SLC30A7: variants seen among roughly 807,000 people sequenced by gnomAD.
SLC30A7 encodes the protein solute carrier family 30 member 7, also known as zinc transporter 7.
In SLC30A7, 35 loss-of-function variants were observed where a neutral mutation model predicts 46.0. That is an observed-to-expected ratio of 0.76 (90% CI 0.58 to 1.01). SLC30A7 has a LOEUF of 1.01. Ranked by LOEUF, SLC30A7 falls within the 50% of genes least tolerant of loss-of-function variation. The pLI is 0.00. For missense variants in SLC30A7, 464 were observed against 451.1 expected, an observed-to-expected ratio of 1.03 and a Z score of -0.26; for synonymous variants, 147 against 157.8, an observed-to-expected ratio of 0.93 and a Z score of 0.51.
chr1:100,896,187 C>A lies in SLC30A7; in HGVS notation c.-76C>A. 1 of 1,312,622 alleles carries A rather than the reference C, an allele frequency of 7.6e-7. No homozygotes were observed. The highest frequency in any genetic ancestry group is 1.1e-6 in the Non-Finnish European group (1 of 908,450). The allele number at this position is 1,312,622 out of a possible 1,614,324, so 81.3% of individuals were successfully genotyped here. A position where few individuals can be genotyped will look rare whatever the true frequency, so the allele number is the denominator to read the frequency against. ...CGCTGGGGATTCCCGTTTGAGGCGT[C>A]ACTACTGTCACTGCCATCACCCCAC... On this transcript the variant is annotated 5_prime_UTR_variant, in exon 1 of 11. Transcript: ENST00000357650.
intron 8 of SLC30A7, among the ~76,000 whole-genome samples, chr1:100,943,329 C>G (rs759192027): frequency 6.6e-6 from 1 of 152,254 alleles, no homozygotes; most frequent in Non-Finnish European, 1.5e-5. Context: ...AAGGACATAA[C>G]AAAGGATACA....
At chr1:100,937,434 A>G (rs963363538) in intron 8 of SLC30A7, among the ~76,000 whole-genome samples, 2 of 151,744 alleles carry the variant, frequency 1.3e-5, no homozygotes, top group Non-Finnish European at 2.9e-5. Context: ...GCTTTCCAAA[A>G]CTTGTTATTT....
In SLC30A7 at chr1:100,911,101, G is replaced by T. The variant is rs1557977910; in HGVS notation, c.335G>T (p.Gly112Val). 1.2e-6 allele frequency: 2 copies of T among 1,612,002 alleles called. No individual in the cohort carries two copies. Among genetic ancestry groups the T allele is most frequent in the East Asian group, 2.2e-5 (1 of 44,742 alleles). Residue 112 changes from glycine to valine, a missense_variant, in exon 4 of 11, where the codon GGC becomes GTC. By Grantham distance (109) the Gly-to-Val change is moderately radical. Coordinates refer to ENST00000357650, the MANE Select transcript of SLC30A7 (RefSeq NM_133496.5). The part of the protein sequence containing the change: ...RAEVLAGFVN[G>V]LFLIFTAFFI... ...GAAGTTCTGGCTGGCTTTGTCAATG[G>T]CCTATTTTTGATCTTCACTGCTTTT...
intron 5 of SLC30A7, 61 bp downstream of exon 5, chr1:100,912,299 A>G: frequency 6.4e-7 from 1 of 1,551,686 alleles, no homozygotes; most frequent in Non-Finnish European, 8.8e-7. Context: ...ATAATTATTT[A>G]CTTGAGAGAA....
In SLC30A7 at chr1:100,911,119, C is replaced by G. The variant is rs1393540807; in HGVS notation, c.353C>G (p.Thr118Ser). ...GFVNGLFLIF[T>S]AFFIFSEGVE... ...GTCAATGGCCTATTTTTGATCTTCA[C>G]TGCTTTTTTTATTTTCTCAGAAGGA... Residue 118 changes from threonine (T) to serine (S), a missense_variant, in exon 4 of 11, where the codon ACT (threonine) becomes AGT (serine). Coordinates refer to ENST00000357650, the MANE Select transcript of SLC30A7 (RefSeq NM_133496.5). 1.9e-6 allele frequency: 3 copies of G among 1,611,094 alleles called. No homozygotes were observed. In the East Asian group the frequency reaches 6.7e-5, roughly 36 times the overall value.
intron 8 of SLC30A7, chr1:100,941,489 T>G (rs1166530840): frequency 2.0e-6 from 1 of 492,518 alleles, no homozygotes; most frequent in Non-Finnish European, 3.9e-6. Context: ...AATGACAGTC[T>G]TATCCACAGT....
chr1:100,949,409 T>C (rs1228479303), intron 8 of SLC30A7, among the ~76,000 whole-genome samples: 1 of 152,092 alleles, frequency 6.6e-6, no homozygotes, highest in Admixed American at 6.6e-5. Flanking sequence ...CACCCGCCTG[T>C]GTGAGGTGTC....
Position 100,906,889 on chromosome 1 carries a change from G to C in SLC30A7, c.220G>C (p.Asp74His), listed in dbSNP as rs747656384. Residue 74 changes from aspartate (D) to histidine (H), a missense_variant, in exon 3 of 11, where the codon GAT (aspartate) becomes CAT (histidine). Coordinates refer to ENST00000357650, the MANE Select transcript of SLC30A7 (RefSeq NM_133496.5). ...LISDSFHMFF[D>H]STAILAGLAA... ...TTCCGACTCTTTTCACATGTTTTTC[G>C]ATAGCACTGCCATTTTGGCTGGACT... 2 of 1,613,062 alleles carry C rather than the reference G, an allele frequency of 1.2e-6. No homozygotes were observed. The highest frequency in any genetic ancestry group is 1.7e-6 in the Non-Finnish European group (2 of 1,179,490).
chr1:100,966,212 A>G (rs1655854900), intron 10 of SLC30A7, among the ~76,000 whole-genome samples: 1 of 151,484 alleles, frequency 6.6e-6, no homozygotes. Context: ...GCCACAGAGC[A>G]AGACCCTGTC....
chr1:100,921,393 C>T (rs948021991), intron 7 of SLC30A7, among the ~76,000 whole-genome samples: 1 of 152,170 alleles, frequency 6.6e-6, no homozygotes, highest in Non-Finnish European at 1.5e-5. Flanking sequence ...TTTTGGACTC[C>T]TGTTAGCCAG....
At chr1:100,921,323 T>G (rs1652922825) in intron 7 of SLC30A7, among the ~76,000 whole-genome samples, 2 of 152,156 alleles carry the variant, frequency 1.3e-5, no homozygotes, top group Non-Finnish European at 2.9e-5. Flanking sequence ...TAGTTAAAAA[T>G]GTTTTCTTGA....
chr1:100,960,983 C>G (rs1432329652), intron 8 of SLC30A7, among the ~76,000 whole-genome samples: 1 of 122,388 alleles, frequency 8.2e-6, no homozygotes, highest in Admixed American at 1.0e-4. Flanking sequence ...GACGGAGAGT[C>G]TCGCTCTGTC....
At chr1:100,985,590 A>T (rs942892284), downstream of SLC30A7, among the ~76,000 whole-genome samples, 2 of 152,254 alleles carry the variant, frequency 1.3e-5, no homozygotes, top group Non-Finnish European at 2.9e-5. Flanking sequence ...ATAGAACAGC[A>T]AGAGTTCAGA....
intron 8 of SLC30A7, among the ~76,000 whole-genome samples, chr1:100,949,244 T>C (rs1654823041): frequency 6.6e-6 from 1 of 152,220 alleles, no homozygotes; most frequent in Non-Finnish European, 1.5e-5. Context: ...GTTTGTTAGC[T>C]TTCCTTGTAA....
intron 8 of SLC30A7, among the ~76,000 whole-genome samples, chr1:100,929,668 G>A (rs183270842): frequency 2.0e-4 from 30 of 151,494 alleles, no homozygotes; most frequent in African/African-American, 6.5e-4. Flanking sequence ...CTTGCCCAGC[G>A]TTCCATTTTC....
intron 8 of SLC30A7, among the ~76,000 whole-genome samples, chr1:100,932,087 T>C (rs1341444052): frequency 6.6e-6 from 1 of 152,116 alleles, no homozygotes; most frequent in Non-Finnish European, 1.5e-5. Context: ...TTATTCCTTT[T>C]CCACAAAAGT....
chr1:100,947,888 T>G (rs1654736226), intron 8 of SLC30A7, among the ~76,000 whole-genome samples: 1 of 152,186 alleles, frequency 6.6e-6, no homozygotes, highest in African/African-American at 2.4e-5. Flanking sequence ...TTTTTTTGCT[T>G]GCCGTTTGCT....
At chr1:100,910,877 C>T (rs902850516) in intron 3 of SLC30A7, among the ~76,000 whole-genome samples, 186 bp from the exon 4 acceptor site, 4 of 152,110 alleles carry the variant, frequency 2.6e-5, no homozygotes, top group South Asian at 4.1e-4. Context: ...TTGAACAATT[C>T]GTACTAATTC....
At chr1:100,908,432 A>G (rs1191243507) in intron 3 of SLC30A7, among the ~76,000 whole-genome samples, 2 of 152,206 alleles carry the variant, frequency 1.3e-5, no homozygotes, top group African/African-American at 4.8e-5. Flanking sequence ...AAAATACAAT[A>G]ATAGCTATAT....
Sources: allele counts gnomAD v4.1 joint callset (sites outside exome capture counted in the v4.1 genomes callset), GRCh38; gene constraint gnomAD v4.1.1; transcripts MANE v1.5; gene names NCBI Gene and HGNC (gene_info 2026-07-23, HGNC 2026-07-21).